SEL1L2: variants seen among roughly 807,000 people sequenced by gnomAD.
SEL1L2 encodes the protein SEL1L2 adaptor subunit of SYVN1 ubiquitin ligase.
In SEL1L2, 89 loss-of-function variants were observed where a neutral mutation model predicts 98.8. The observed-to-expected ratio is 0.90, with a 90% CI of 0.76 to 1.07. The LOEUF (loss-of-function observed/expected upper bound fraction) is 1.07. Ranked by LOEUF, SEL1L2 falls within the 50% of genes least tolerant of loss-of-function variation. The pLI is 0.00. For synonymous variants in SEL1L2, 262 were observed against 278.5 expected (o/e 0.94, Z 0.59); for missense variants, 788 against 812.0 (o/e 0.97, Z 0.36).
At chr20:13,981,695 T>C (rs1351003947) in intron 1 of SEL1L2, among the ~76,000 whole-genome samples, 1 of 152,228 alleles carries the variant, frequency 6.6e-6, no homozygotes, top group Non-Finnish European at 1.5e-5. Context: ...TTTTTACTGA[T>C]CCCTCACATA....
At chr20:13,935,748 T>C (rs1230423962) in intron 2 of SEL1L2, among the ~76,000 whole-genome samples, 1 of 152,112 alleles carries the variant, frequency 6.6e-6, no homozygotes, top group African/African-American at 2.4e-5. Context: ...AGGAGTGATA[T>C]TAACTGAATT....
intron 1 of SEL1L2, among the ~76,000 whole-genome samples, chr20:13,971,856 T>A (rs2148510827): frequency 6.6e-6 from 1 of 152,350 alleles, no homozygotes; most frequent in Non-Finnish European, 1.5e-5. Flanking sequence ...ATCTCTTTCC[T>A]ATTACATTTT....
At chr20:13,988,507 A>G (rs2052365288) in intron 1 of SEL1L2, among the ~76,000 whole-genome samples, 1 of 152,204 alleles carries the variant, frequency 6.6e-6, no homozygotes, top group Admixed American at 6.5e-5. Flanking sequence ...GTTTACTTGT[A>G]AAACTCTCAA....
intron 5 of SEL1L2, among the ~76,000 whole-genome samples, chr20:13,905,693 G>A (rs2047895864): frequency 6.6e-6 from 1 of 151,966 alleles, no homozygotes; most frequent in Non-Finnish European, 1.5e-5. Flanking sequence ...CCTTTTCTAA[G>A]ATAAAGGTGA....
chr20:13,905,962 C>T (rs764054485), intron 5 of SEL1L2, among the ~76,000 whole-genome samples: 9 of 151,178 alleles, frequency 6.0e-5, no homozygotes, highest in Non-Finnish European at 1.2e-4. Context: ...GCAACCTCCA[C>T]CTCCCAGGTT....
At chr20:13,913,028 A>T (rs1332933965) in intron 5 of SEL1L2, among the ~76,000 whole-genome samples, 1 of 152,236 alleles carries the variant, frequency 6.6e-6, no homozygotes, top group South Asian at 2.1e-4. Flanking sequence ...CAAATGAAAG[A>T]GTGGATTCAA....
chr20:13,901,288 T>C (rs1182645497), intron 5 of SEL1L2, among the ~76,000 whole-genome samples: 1 of 152,092 alleles, frequency 6.6e-6, no homozygotes, highest in African/African-American at 2.4e-5. Flanking sequence ...GCCAGGATGG[T>C]CTCGATTTCC....
At chr20:13,936,467 G>A (rs903846777) in intron 2 of SEL1L2, among the ~76,000 whole-genome samples, 9 of 152,104 alleles carry the variant, frequency 5.9e-5, no homozygotes, top group East Asian at 1.9e-4. Context: ...TGTAAATAAC[G>A]TCACTATTTT....
chr20:13,881,933 CACCCCAAAGAAATG>C (rs2046719854), intron 10 of SEL1L2, among the ~76,000 whole-genome samples: 1 of 152,106 alleles, frequency 6.6e-6, no homozygotes, highest in East Asian at 1.9e-4. Flanking sequence ...TGAATGTTCT[CACCCCAAAGAAATG>C]ACAAGTATTT....
chr20:13,908,150 C>CTTTTTT (rs2048058142), intron 5 of SEL1L2, among the ~76,000 whole-genome samples: 1 of 53,584 alleles, frequency 1.9e-5, no homozygotes. Context: ...CAGGGTTTTG[C>CTTTTTT]TCTGTTGCCC....
intron 3 of SEL1L2, among the ~76,000 whole-genome samples, chr20:13,927,176 C>T (rs535463468): frequency 6.6e-6 from 1 of 152,274 alleles, no homozygotes; most frequent in East Asian, 1.9e-4. Context: ...AAAATACTAT[C>T]CAAATGTACT....
At chr20:13,859,861 G>A (rs1443328076) in intron 17 of SEL1L2, among the ~76,000 whole-genome samples, 5 of 152,026 alleles carry the variant, frequency 3.3e-5, no homozygotes, top group African/African-American at 4.8e-5. Flanking sequence ...CACCATGCCC[G>A]GCTAACTTTT....
intron 1 of SEL1L2, among the ~76,000 whole-genome samples, chr20:13,959,444 G>A (rs1291631229): frequency 6.6e-6 from 1 of 152,162 alleles, no homozygotes; most frequent in Non-Finnish European, 1.5e-5. Context: ...GCAAATTGAA[G>A]AGATGCACCG....
At chr20:13,929,487 CTTTTTTTTTT>C (rs747948529) in intron 3 of SEL1L2, among the ~76,000 whole-genome samples, 13 of 73,318 alleles carry the variant, frequency 1.8e-4, no homozygotes, top group South Asian at 7.0e-4. Context: ...TTGCCTTTGC[CTTTTTTTTTT>C]TTTTTTTTTT....
At chr20:13,927,440 G>A (rs1363366988) in intron 3 of SEL1L2, among the ~76,000 whole-genome samples, 4 of 152,196 alleles carry the variant, frequency 2.6e-5, no homozygotes, top group African/African-American at 9.6e-5. Context: ...AAAGAGACAA[G>A]TGGCAAAATT....
Position 13,896,333 on chromosome 20 carries a change from G to A in SEL1L2, c.550-7821C>T, listed in dbSNP as rs998146293. 1.3e-4 allele frequency among the ~76,000 whole-genome samples: 20 copies of A among 152,238 alleles called. No individual in the cohort carries two copies. The South Asian group carries it at 3.5e-3, about 27-fold the overall frequency. On this transcript the variant is annotated intron_variant, in intron 5 of 19. Coordinates refer to ENST00000284951, the MANE Select transcript of SEL1L2 (RefSeq NM_025229.2). Reference sequence around the variant, plus strand: ...AAAAATACAAAAATTAGCTGGGCACGGTGGGGGGCGCCTGTAGTCCCAGCT... The same window carrying A: ...AAAAATACAAAAATTAGCTGGGCACAGTGGGGGGCGCCTGTAGTCCCAGCT...
intron 1 of SEL1L2, among the ~76,000 whole-genome samples, chr20:13,983,072 AAGAG>A (rs2051941019): frequency 7.2e-6 from 1 of 139,756 alleles, no homozygotes; most frequent in South Asian, 2.4e-4. Flanking sequence ...TGATAGAGTG[AAGAG>A]AGAAAAAAAC....
At chr20:13,974,064 T>C (rs1218393633) in intron 1 of SEL1L2, among the ~76,000 whole-genome samples, 1 of 152,136 alleles carries the variant, frequency 6.6e-6, no homozygotes, top group Non-Finnish European at 1.5e-5. Flanking sequence ...TCTAGAGTAT[T>C]GGATTCTATC....
intron 1 of SEL1L2, among the ~76,000 whole-genome samples, chr20:13,960,541 G>T (rs981414168): frequency 3.3e-5 from 5 of 152,238 alleles, no homozygotes; most frequent in Middle Eastern, 3.4e-3. Flanking sequence ...TACGACAAGG[G>T]TGTTTATTTT....
Sources: gnomAD v4.1 joint callset for allele counts (sites outside exome capture counted in the v4.1 genomes callset) on GRCh38, gnomAD v4.1.1 for gene constraint, MANE v1.5 for transcripts, NCBI Gene and HGNC (gene_info 2026-07-23, HGNC 2026-07-21) for gene names.